PAPPA: variants seen among roughly 807,000 people sequenced by gnomAD.
The protein encoded by PAPPA is pappalysin-1.
A neutral mutation model predicts 164.0 loss-of-function variants in PAPPA; 60 were observed. That is an observed-to-expected ratio of 0.37 (90% CI 0.30 to 0.45). PAPPA has a LOEUF of 0.45. Among genes scored for constraint, PAPPA ranks in the 20% least tolerant of loss-of-function variants. PAPPA has a pLI of 1.00. For synonymous variants in PAPPA, 875 were observed against 814.1 expected, an observed-to-expected ratio of 1.07 and a Z score of -1.27; for missense variants, 1,782 against 2,087.3, an observed-to-expected ratio of 0.85 and a Z score of 2.85.
intron 7 of PAPPA, among the ~76,000 whole-genome samples, chr9:116,264,760 A>T (rs887829830): frequency 6.6e-6 from 1 of 152,360 alleles, no homozygotes; most frequent in East Asian, 1.9e-4. Flanking sequence ...TTAAAAAATT[A>T]TTACTAAAAA....
chr9:116,379,272 A>G (rs960442869), intron 20 of PAPPA, among the ~76,000 whole-genome samples: 7 of 152,186 alleles, frequency 4.6e-5, no homozygotes, highest in African/African-American at 1.7e-4. Flanking sequence ...GCTGAAAATT[A>G]TGCTTAGAAG....
chr9:116,165,640 C>A (rs1843712072), intron 1 of PAPPA, among the ~76,000 whole-genome samples: 1 of 152,238 alleles, frequency 6.6e-6, no homozygotes, highest in African/African-American at 2.4e-5. Context: ...AAATCTGACT[C>A]TGTCACCTCT....
At chr9:116,214,673 C>T (rs1368181653) in intron 4 of PAPPA, among the ~76,000 whole-genome samples, 1 of 152,122 alleles carries the variant, frequency 6.6e-6, no homozygotes, top group Admixed American at 6.6e-5. Flanking sequence ...TCTTGGAAAA[C>T]TCAACAGATA....
In PAPPA at chr9:116,188,194, T is replaced by C. The variant is rs751503683; in HGVS notation, c.1456T>C (p.Phe486Leu). Reference sequence around the variant, plus strand: ...AATCACCAATGTCACTCAGACTTGCTTTGACCCCGACTCTCCACACAGGTA... The same window carrying C: ...AATCACCAATGTCACTCAGACTTGCCTTGACCCCGACTCTCCACACAGGTA... ...PEITNVTQTC[F>L]DPDSPHRAYL... The change falls in exon 2 of 22, where the codon TTT becomes CTT. Residue 486 changes from phenylalanine (F) to leucine (L), a missense_variant. By Grantham distance (22) the Phe-to-Leu change is conservative (BLOSUM62 0). This residue lies in a region of PAPPA where 1,324 missense variants were observed against 1,656.9 expected (regional missense o/e 0.80). Transcript: ENST00000328252. 9 of 1,611,334 alleles carry C rather than the reference T, an allele frequency of 5.6e-6. No homozygotes were observed. Among genetic ancestry groups the C allele is most frequent in the Middle Eastern group, 1.6e-4 (1 of 6,078 alleles).
intron 10 of PAPPA, among the ~76,000 whole-genome samples, chr9:116,309,925 C>A (rs1457841940): frequency 6.7e-6 from 1 of 149,602 alleles, no homozygotes; most frequent in Non-Finnish European, 1.5e-5. Context: ...TCAGAACAAC[C>A]CTGCTGAGAA....
intron 1 of PAPPA, among the ~76,000 whole-genome samples, chr9:116,159,954 C>A (rs1843648523): frequency 6.6e-6 from 1 of 152,138 alleles, no homozygotes; most frequent in Admixed American, 6.5e-5. Flanking sequence ...ATCATTTGGT[C>A]CAGCACTTCC....
rs944029339 is a variant in PAPPA, at chr9:116,347,318, T to C, written c.3964+109T>C. 1.1e-6 allele frequency: 1 copy of C among 887,492 alleles called. No individual in the cohort carries two copies. Among genetic ancestry groups the C allele is most frequent in the Admixed American group, 2.8e-5 (1 of 35,170 alleles). The allele number at this position is 887,492 out of a possible 1,614,324, so 55.0% of individuals were successfully genotyped here. A position where few individuals can be genotyped will look rare whatever the true frequency, so the allele number is the denominator to read the frequency against. On this transcript the variant is annotated intron_variant, in intron 15 of 21. Transcript: ENST00000328252. The surrounding 1 kb of genome is among the most constrained non-coding windows in gnomAD (Gnocchi z 4.5). ...CAAACACCAAGGGTGGGATGGGTTTTATCTATGCTCCTGACTTCTTCCTAC... is the reference window on the plus strand; with the variant it reads ...CAAACACCAAGGGTGGGATGGGTTTCATCTATGCTCCTGACTTCTTCCTAC...
At chr9:116,208,419 AT>A (rs1194719635) in intron 3 of PAPPA, among the ~76,000 whole-genome samples, 1 of 151,876 alleles carries the variant, frequency 6.6e-6, no homozygotes, top group African/African-American at 2.4e-5. Context: ...TCCCACCCAT[AT>A]TTTTTTCACT....
intron 10 of PAPPA, among the ~76,000 whole-genome samples, chr9:116,304,685 G>T (rs549111244): frequency 6.6e-6 from 1 of 151,938 alleles, no homozygotes; most frequent in Non-Finnish European, 1.5e-5. Context: ...TGTAAGGGGG[G>T]GCTGTCAGGA....
intron 9 of PAPPA, among the ~76,000 whole-genome samples, chr9:116,298,650 A>T (rs1353542604): frequency 6.6e-6 from 1 of 152,226 alleles, no homozygotes; most frequent in African/African-American, 2.4e-5. Flanking sequence ...GAGTATATAC[A>T]TCGGGGATGC....
intron 13 of PAPPA, among the ~76,000 whole-genome samples, chr9:116,336,612 G>C (rs987300945): frequency 2.0e-5 from 3 of 152,152 alleles, no homozygotes; most frequent in Non-Finnish European, 4.4e-5. Flanking sequence ...TTGAATTCTC[G>C]ACGAATGGTG....
chr9:116,331,206 CTCTAAAACATGATTATTTTT>C lies in PAPPA; in HGVS notation c.3148-34_3148-15del. ...TGAATTTAGTTGAACTTCTGACACT[CTCTAAAACATGATTATTTTT>C]TCTTTATATTTTTCCAGGTGTGTCG... On this transcript the variant is annotated intron_variant, in intron 10 of 21. Transcript: ENST00000328252. 1 of 1,287,720 alleles carries C rather than the reference CTCTAAAACATGATTATTTTT, an allele frequency of 7.8e-7. No homozygotes were observed. The highest frequency in any genetic ancestry group is 1.1e-6 in the Non-Finnish European group (1 of 885,424). 79.8% of individuals were successfully genotyped at this position (1,287,720 alleles called of 1,614,324 possible). A position where few individuals can be genotyped will look rare whatever the true frequency, so the allele number is the denominator to read the frequency against.
intron 10 of PAPPA, among the ~76,000 whole-genome samples, chr9:116,315,701 C>T (rs2118916774): frequency 6.6e-6 from 1 of 151,898 alleles, no homozygotes; most frequent in South Asian, 2.1e-4. Flanking sequence ...ATACAAGGCC[C>T]AGCACAGGAG....
intron 1 of PAPPA, among the ~76,000 whole-genome samples, chr9:116,166,342 T>C (rs578089296): frequency 2.5e-4 from 38 of 152,282 alleles, no homozygotes; most frequent in African/African-American, 8.4e-4. Context: ...TGCAAAGCAT[T>C]TGTTTTGTGT....
chr9:116,362,554 G>T lies in PAPPA; in HGVS notation c.4348-38G>T, dbSNP rs1475632366. On this transcript the variant is annotated intron_variant, in intron 17 of 21. Coordinates refer to ENST00000328252, the MANE Select transcript of PAPPA (RefSeq NM_002581.5). ...AATAGCTTATTCAATTGGGGCTGGT[G>T]TCTCTCTTGGTCCTAACTCTGTTTC... 1.3e-5 allele frequency: 20 copies of T among 1,593,768 alleles called. No homozygotes were observed. In the East Asian group the frequency reaches 3.8e-4, roughly 30 times the overall value.
At chr9:116,163,087 G>T (rs913045499) in intron 1 of PAPPA, among the ~76,000 whole-genome samples, 6 of 152,174 alleles carry the variant, frequency 3.9e-5, no homozygotes, top group African/African-American at 1.2e-4. Flanking sequence ...TCTGTGCTGG[G>T]TACAGTTTTA....
chr9:116,372,249 AGTT>A (rs1298030208), intron 19 of PAPPA, among the ~76,000 whole-genome samples: 2 of 152,184 alleles, frequency 1.3e-5, no homozygotes, highest in East Asian at 1.9e-4. Context: ...TGGAAAACAC[AGTT>A]GTTGTTTTTC....
intron 17 of PAPPA, among the ~76,000 whole-genome samples, chr9:116,357,986 T>C (rs897463810): frequency 6.6e-6 from 1 of 151,268 alleles, no homozygotes. Context: ...AGAGCTGCAC[T>C]CTCCATTTGT....
intron 1 of PAPPA, among the ~76,000 whole-genome samples, chr9:116,184,988 C>T (rs138605461): frequency 8.3e-4 from 127 of 152,192 alleles, no homozygotes; most frequent in Non-Finnish European, 1.5e-3. Context: ...ACTCCAAAAC[C>T]GAAGAGCACA....
Sources: allele counts gnomAD v4.1 joint callset (sites outside exome capture counted in the v4.1 genomes callset), GRCh38; gene constraint gnomAD v4.1.1; regional missense constraint gnomAD v4.1.1; non-coding constraint Gnocchi (gnomAD v3.1); transcripts MANE v1.5; gene names NCBI Gene and HGNC (gene_info 2026-07-23, HGNC 2026-07-21).